Variants in UNC5D observed in about 807,000 individuals in gnomAD.
UNC5D encodes the protein unc-5 netrin receptor D, also known as netrin receptor UNC5D.
In UNC5D, 39 loss-of-function variants were observed where a neutral mutation model predicts 105.4. That is an observed-to-expected ratio of 0.37 (90% CI 0.29 to 0.48). The LOEUF is 0.48. Among genes scored for constraint, UNC5D ranks in the 20% least tolerant of loss-of-function variants. The pLI is 0.98. For synonymous variants in UNC5D, 452 were observed against 450.4 expected, an observed-to-expected ratio of 1.00 and a Z score of -0.04; for missense variants, 991 against 1,202.4, an observed-to-expected ratio of 0.82 and a Z score of 2.60.
intron 13 of UNC5D, among the ~76,000 whole-genome samples, chr8:35,757,892 C>T (rs1249890171): frequency 2.6e-5 from 4 of 152,324 alleles, no homozygotes; most frequent in East Asian, 3.9e-4. Flanking sequence ...TTACCTAGCA[C>T]TGTACTGTCC....
intron 1 of UNC5D, among the ~76,000 whole-genome samples, chr8:35,249,002 C>T (rs1240778557): frequency 4.3e-5 from 3 of 70,164 alleles, no homozygotes; most frequent in African/African-American, 5.4e-5. Context: ...TATATATAAA[C>T]ATATATAATA....
At chr8:35,351,927 T>C (rs894267471) in intron 1 of UNC5D, among the ~76,000 whole-genome samples, 4 of 152,094 alleles carry the variant, frequency 2.6e-5, no homozygotes, top group Admixed American at 2.6e-4. Flanking sequence ...GGTTAACTGG[T>C]GGTACCAGTT....
At chr8:35,774,926 C>CAAAAAAAA (rs548702956) in intron 16 of UNC5D, among the ~76,000 whole-genome samples, 4,100 of 119,922 alleles carry the variant, frequency 0.034, 231 homozygotes, top group African/African-American at 0.11. Flanking sequence ...GACCCTCCTC[C>CAAAAAAAA]AAAAAAAAAA....
At position 35,335,756 on chromosome 8, in the gene UNC5D, A is replaced by ATTTTTTTTTTTTTTTTTTTTTT. The variant is rs35774459; in HGVS notation, c.103+99873_103+99894dup. On this transcript the variant is annotated intron_variant, in intron 1 of 16. Transcript: ENST00000404895. Reference sequence around the variant, plus strand: ...GGATAGAATGAAATGAGAGATTGCAATTTTTTTTTTTTTTTTTTTTTTTTT... The same window carrying ATTTTTTTTTTTTTTTTTTTTTT: ...GGATAGAATGAAATGAGAGATTGCAATTTTTTTTTTTTTTTTTTTTTTTTTTTTTTTTTTTTTTTTTTTTTTT... 2.2e-5 allele frequency among the ~76,000 whole-genome samples: 2 copies of ATTTTTTTTTTTTTTTTTTTTTT among 90,484 alleles called. 1 individual carries two copies. The highest frequency in any genetic ancestry group is 8.8e-5 in the African/African-American group (2 of 22,658). 59.4% of individuals were successfully genotyped at this position (90,484 alleles called of 152,430 possible). A position where few individuals can be genotyped will look rare whatever the true frequency, so the allele number is the denominator to read the frequency against.
chr8:35,495,285 G>A (rs1026606698), intron 1 of UNC5D, among the ~76,000 whole-genome samples: 2 of 151,928 alleles, frequency 1.3e-5, no homozygotes, highest in Non-Finnish European at 2.9e-5. Flanking sequence ...ATTTTGGAGT[G>A]TAAGCATTTG....
At chr8:35,628,959 G>A (rs117822517) in intron 4 of UNC5D, among the ~76,000 whole-genome samples, 1 of 152,084 alleles carries the variant, frequency 6.6e-6, no homozygotes, top group Non-Finnish European at 1.5e-5. Context: ...ATCTCAAAAT[G>A]AAAACAGTCA....
At chr8:35,756,743 T>C (rs1830539024) in intron 13 of UNC5D, among the ~76,000 whole-genome samples, 1 of 152,114 alleles carries the variant, frequency 6.6e-6, no homozygotes, top group South Asian at 2.1e-4. Flanking sequence ...AATAAGGCAC[T>C]TGGTGCTCTA....
intron 4 of UNC5D, among the ~76,000 whole-genome samples, chr8:35,680,850 A>G (rs1825610476): frequency 6.6e-6 from 1 of 152,226 alleles, no homozygotes; most frequent in Non-Finnish European, 1.5e-5. Context: ...GAGGAGAAGC[A>G]TGAAAGAAGA....
At chr8:35,334,335 C>T (rs1378414056) in intron 1 of UNC5D, among the ~76,000 whole-genome samples, 1 of 152,138 alleles carries the variant, frequency 6.6e-6, no homozygotes, top group Non-Finnish European at 1.5e-5. Context: ...AGAACAACAT[C>T]AATTGGCCCT....
chr8:35,301,614 GCCT>G (rs1298267539), intron 1 of UNC5D, among the ~76,000 whole-genome samples: 3 of 152,178 alleles, frequency 2.0e-5, no homozygotes. Flanking sequence ...TGAGTTGGCT[GCCT>G]CTGATTGGCT....
chr8:35,415,416 G>C (rs1229690508), intron 1 of UNC5D, among the ~76,000 whole-genome samples: 11 of 152,110 alleles, frequency 7.2e-5, no homozygotes, highest in Non-Finnish European at 1.3e-4. Flanking sequence ...ATAAATGTAT[G>C]TCATATATTA....
intron 1 of UNC5D, among the ~76,000 whole-genome samples, chr8:35,404,398 G>T (rs1804670508): frequency 6.6e-6 from 1 of 152,138 alleles, no homozygotes; most frequent in South Asian, 2.1e-4. Flanking sequence ...AAAGAAAGCT[G>T]GGTTTTGTGG....
chr8:35,714,102 T>G (rs1003823574), intron 8 of UNC5D, among the ~76,000 whole-genome samples: 2 of 152,182 alleles, frequency 1.3e-5, no homozygotes, highest in African/African-American at 4.8e-5. Flanking sequence ...GGATATCCAC[T>G]GGGATGTCTC....
chr8:35,299,611 T>C (rs982448591), intron 1 of UNC5D, among the ~76,000 whole-genome samples: 1 of 152,114 alleles, frequency 6.6e-6, no homozygotes. Context: ...GGAGGAAAAA[T>C]AGGTGATACA....
At chr8:35,744,003 T>C (rs1288736535) in intron 11 of UNC5D, among the ~76,000 whole-genome samples, 1 of 152,252 alleles carries the variant, frequency 6.6e-6, no homozygotes, top group Non-Finnish European at 1.5e-5. Flanking sequence ...AAAGTCCAAG[T>C]CACTTCATTG....
At chr8:35,274,095 T>G (rs573681292) in intron 1 of UNC5D, among the ~76,000 whole-genome samples, 5 of 152,302 alleles carry the variant, frequency 3.3e-5, no homozygotes, top group African/African-American at 1.2e-4. Flanking sequence ...TTTTAACCTT[T>G]AAGAATCTCA....
chr8:35,430,697 G>T (rs187855367), intron 1 of UNC5D, among the ~76,000 whole-genome samples: 2 of 152,060 alleles, frequency 1.3e-5, no homozygotes, highest in Non-Finnish European at 2.9e-5. Context: ...TTGGTGGGTG[G>T]GGGAAAAACC....
At chr8:35,439,179 C>T (rs570903792) in intron 1 of UNC5D, among the ~76,000 whole-genome samples, 11 of 152,092 alleles carry the variant, frequency 7.2e-5, no homozygotes, top group East Asian at 3.9e-4. Flanking sequence ...GCCTGGTTCC[C>T]GGTAGGCTGT....
At chr8:35,652,642 G>T (rs1404957024) in intron 4 of UNC5D, among the ~76,000 whole-genome samples, 5 of 151,532 alleles carry the variant, frequency 3.3e-5, no homozygotes. Flanking sequence ...TTTCTATGTG[G>T]TTATCACTCA....
Sources: allele counts gnomAD v4.1 joint callset (sites outside exome capture counted in the v4.1 genomes callset), GRCh38; gene constraint gnomAD v4.1.1; transcripts MANE v1.5; gene names NCBI Gene and HGNC (gene_info 2026-07-23, HGNC 2026-07-21).